The following SH3YL1 variants were observed in gnomAD, a reference collection of about 807,000 sequenced individuals.
SH3YL1 encodes the protein SH3 domain-containing YSC84-like protein 1.
In SH3YL1, 41 loss-of-function variants were observed where a neutral mutation model predicts 45.8. That is an observed-to-expected ratio of 0.89 (90% confidence interval 0.70 to 1.16). The LOEUF (loss-of-function observed/expected upper bound fraction) is 1.16. SH3YL1 is among the 50% of genes most tolerant of loss of function. SH3YL1 has a pLI of 0.00. For synonymous variants in SH3YL1, 152 were observed against 151.4 expected (o/e 1.00, Z -0.03); for missense variants, 389 against 409.6 (o/e 0.95, Z 0.43).
chr2:262,754 C>A (rs767991843), intron 1 of SH3YL1: 3 of 1,172,118 alleles, frequency 2.6e-6, no homozygotes, highest in African/African-American at 1.6e-5. Flanking sequence ...CTTATTTCTG[C>A]GGAATGAGAA....
At chr2:232,238 C>CT (rs111324791) in intron 6 of SH3YL1, among the ~76,000 whole-genome samples, 629 of 142,234 alleles carry the variant, frequency 4.4e-3, no homozygotes, top group African/African-American at 0.013. Context: ...CTTCCAGATT[C>CT]TTTTTTTTTT....
At chr2:225,695 G>A (rs1481563195) in intron 8 of SH3YL1, among the ~76,000 whole-genome samples, 2 of 152,184 alleles carry the variant, frequency 1.3e-5, no homozygotes, top group Non-Finnish European at 2.9e-5. Context: ...AGCAAGTGAC[G>A]AGATATAAGA....
intron 2 of SH3YL1, 22 bp from the exon 3 acceptor site, chr2:249,866 G>T (rs1431405904): frequency 8.7e-6 from 13 of 1,487,264 alleles, no homozygotes; most frequent in South Asian, 2.4e-5. Context: ...GAAAACAATG[G>T]GAAGGTAAGC....
intron 6 of SH3YL1, among the ~76,000 whole-genome samples, chr2:231,722 T>C (rs1253318575): frequency 6.6e-6 from 1 of 152,254 alleles, no homozygotes; most frequent in Non-Finnish European, 1.5e-5. Context: ...AGTTGAACTT[T>C]AGTGGGAAGG....
chr2:257,493 T>G (rs1669394280), intron 1 of SH3YL1, among the ~76,000 whole-genome samples: 1 of 152,236 alleles, frequency 6.6e-6, no homozygotes, highest in African/African-American at 2.4e-5. Flanking sequence ...CTTAGGAGTA[T>G]GCATCTGTAA....
In SH3YL1 at chr2:224,862, A is replaced by G; in HGVS notation, c.838+2T>C. ...TTATAACATATAGATTTACTGATTTACCAACTCTCTCATGATAGCTGGAAA... is the reference window on the plus strand; with the variant it reads ...TTATAACATATAGATTTACTGATTTGCCAACTCTCTCATGATAGCTGGAAA... On this transcript the variant is annotated splice_donor_variant, in intron 9 of 9. Transcript: ENST00000356150. LOFTEE classifies it high-confidence loss of function. The G allele has an allele frequency of 6.3e-7, 1 of 1,597,032 alleles. No individual in the cohort carries two copies. Among genetic ancestry groups the G allele is most frequent in the Non-Finnish European group, 8.6e-7 (1 of 1,164,508 alleles).
chr2:264,740 C>T (rs1197860509), upstream of SH3YL1: 4 of 515,306 alleles, frequency 7.8e-6, no homozygotes, highest in Non-Finnish European at 1.0e-5. Context: ...GCGGCCCAGT[C>T]CCTGCAGGTG....
At chr2:223,197 C>T (rs1027953777) in intron 9 of SH3YL1, among the ~76,000 whole-genome samples, 4 of 152,112 alleles carry the variant, frequency 2.6e-5, no homozygotes, top group Non-Finnish European at 4.4e-5. Flanking sequence ...AGTGAAAGTA[C>T]GGGGGTTCGA....
Position 233,211 on chromosome 2 carries a change from C to G in SH3YL1, c.423G>C (p.Val141=), listed in dbSNP as rs11544681. ...AGACGGCAGCGGAGCTTCTCAGGGC[C>G]ACGTTTCCTTCCAAGTTCCTGCAAA... ...GPLGRNLEGN[V]ALRSSAAVFT... is the part of the protein sequence containing the mutation. Residue 141 remains valine, a synonymous_variant, in exon 6 of 10, where the codon GTG becomes GTC. Transcript: ENST00000356150. 1 of 1,575,806 alleles carries G rather than the reference C, an allele frequency of 6.3e-7. No individual in the cohort carries two copies. The highest frequency in any genetic ancestry group is 8.6e-7 in the Non-Finnish European group (1 of 1,159,850).
chr2:230,614 C>A, intron 7 of SH3YL1: 1 of 245,694 alleles, frequency 4.1e-6, no homozygotes, highest in Non-Finnish European at 7.9e-6. Flanking sequence ...TCAAGCGATC[C>A]TCCTGTTTCA....
chr2:232,351 CAT>C lies in SH3YL1; in HGVS notation c.533+748_533+749del, dbSNP rs575111464. Reference sequence around the variant, plus strand: ...TCACAACAAGGAATACTGACTGACACATGAGTTGTAACTGGTGTGCCTTCCAC... The same window carrying C: ...TCACAACAAGGAATACTGACTGACACGAGTTGTAACTGGTGTGCCTTCCAC... On this transcript the variant is annotated intron_variant, in intron 6 of 9. Coordinates refer to ENST00000356150, the MANE Select transcript of SH3YL1 (RefSeq NM_015677.4). Among the ~76,000 whole-genome samples the C allele has an allele frequency of 2.3e-3, 347 of 152,026 alleles. 1 individual carries two copies. The highest frequency in any genetic ancestry group is 7.7e-3 in the South Asian group (37 of 4,816).
Position 218,547 on chromosome 2 carries a change from T to C in SH3YL1, c.*264A>G, listed in dbSNP as rs146377202. 235 of 316,276 alleles carry C rather than the reference T, an allele frequency of 7.4e-4. 1 individual carries two copies. The highest frequency in any genetic ancestry group is 1.1e-3 in the Non-Finnish European group (194 of 176,488). The allele number at this position is 316,276 out of a possible 1,614,324, so 19.6% of individuals were successfully genotyped here. On this transcript the variant is annotated 3_prime_UTR_variant, in exon 10 of 10. Transcript: ENST00000356150. ...GGCCAGATCAAATGCTTAGCGATGT[T>C]TGAAGTGTTCACAAGAGAACTATGA...
chr2:257,082 G>A (rs1461870007), intron 1 of SH3YL1, among the ~76,000 whole-genome samples: 1 of 152,070 alleles, frequency 6.6e-6, no homozygotes, highest in African/African-American at 2.4e-5. Flanking sequence ...CTTTAACGGA[G>A]TTGTTTTTTT....
chr2:245,440 A>G (rs1252523187), intron 4 of SH3YL1, among the ~76,000 whole-genome samples: 1 of 152,244 alleles, frequency 6.6e-6, no homozygotes. Flanking sequence ...GATGAAGAAG[A>G]TATTAAAAAT....
At chr2:223,343 T>C (rs773771966) in intron 9 of SH3YL1, among the ~76,000 whole-genome samples, 10 of 152,182 alleles carry the variant, frequency 6.6e-5, no homozygotes, top group Non-Finnish European at 1.5e-4. Context: ...CAAGGCATTC[T>C]TTGGGGGATC....
At chr2:219,560 C>G (rs1260838206) in intron 9 of SH3YL1, among the ~76,000 whole-genome samples, 1 of 152,090 alleles carries the variant, frequency 6.6e-6, no homozygotes, top group East Asian at 1.9e-4. Flanking sequence ...AATCCAGCCT[C>G]CAGAAGCGTG....
At chr2:246,303 T>C (rs748139439) in intron 4 of SH3YL1, among the ~76,000 whole-genome samples, 2 of 152,242 alleles carry the variant, frequency 1.3e-5, no homozygotes, top group Admixed American at 6.5e-5. Context: ...TTACTTGCTC[T>C]TGTTTTTCAG....
rs140202719 is a variant in SH3YL1, at chr2:257,725, C to T, written c.2-4610G>A. Among the ~76,000 whole-genome samples the T allele has an allele frequency of 8.6e-3, 1,310 of 152,254 alleles. 22 individuals carry two copies. Among genetic ancestry groups the T allele is most frequent in the African/African-American group, 0.029 (1,208 of 41,540 alleles). On this transcript the variant is annotated intron_variant, in intron 1 of 9. Transcript: ENST00000356150. ...ATCTGCTGTGATTCTGGGGGCTGCCCGACTTGCATATCATTCATTGCTCAA... is the reference window on the plus strand; with the variant it reads ...ATCTGCTGTGATTCTGGGGGCTGCCTGACTTGCATATCATTCATTGCTCAA...
rs770603085 is a variant in SH3YL1 at position 224,858 on chromosome 2, A to C, written c.838+6T>G. ...TCATTTATAACATATAGATTTACTG[A>C]TTTACCAACTCTCTCATGATAGCTG... On this transcript the variant is annotated splice_donor_region_variant and intron_variant, in intron 9 of 9. Coordinates refer to ENST00000356150, the MANE Select transcript of SH3YL1 (RefSeq NM_015677.4). The C allele has an allele frequency of 1.9e-6, 3 of 1,592,266 alleles. No individual in the cohort carries two copies. Among genetic ancestry groups the C allele is most frequent in the Non-Finnish European group, 2.6e-6 (3 of 1,160,248 alleles).
Sources: allele counts gnomAD v4.1 joint callset (sites outside exome capture counted in the v4.1 genomes callset), GRCh38; gene constraint gnomAD v4.1.1; transcripts MANE v1.5; gene names NCBI Gene and HGNC (gene_info 2026-07-23, HGNC 2026-07-21).